Variants in OCRL observed in about 807,000 individuals in gnomAD.
OCRL encodes inositol polyphosphate 5-phosphatase OCRL.
Under a neutral mutation model 78.9 loss-of-function variants are expected in OCRL, and 8 were observed. That is an observed-to-expected ratio of 0.10 (90% CI 0.06 to 0.18). The LOEUF (loss-of-function observed/expected upper bound fraction) is 0.18. OCRL is among the 10% of genes least tolerant of loss of function. OCRL has a pLI of 1.00. For missense variants in OCRL, 454 were observed against 696.7 expected (o/e 0.65, Z 3.92); for synonymous variants, 240 against 235.4 (o/e 1.02, Z -0.18).
chrX:129,564,470 C>T (rs1936187976), intron 12 of OCRL, among the ~76,000 whole-genome samples: 1 of 110,502 alleles, frequency 9.0e-6, no homozygotes, highest in Non-Finnish European at 1.9e-5. Context: ...TGGAACCAAG[C>T]CAAATGTCCA....
intron 19 of OCRL, among the ~76,000 whole-genome samples, chrX:129,585,835 T>C (rs1484735699): frequency 8.9e-6 from 1 of 112,150 alleles, no homozygotes. Context: ...AGAAGAGACC[T>C]CAGCTCGGCT....
At chrX:129,585,259 T>C (rs1197936904) in intron 19 of OCRL, among the ~76,000 whole-genome samples, 1 of 112,380 alleles carries the variant, frequency 8.9e-6, no homozygotes, top group African/African-American at 3.2e-5. Flanking sequence ...GTATATAATC[T>C]ACTGACACTT....
At chrX:129,564,620 A>G (rs1464607813) in intron 12 of OCRL, among the ~76,000 whole-genome samples, 1 of 110,737 alleles carries the variant, frequency 9.0e-6, no homozygotes, top group Non-Finnish European at 1.9e-5. Flanking sequence ...CTATCGCAAG[A>G]ACAAAAAACC....
intron 15 of OCRL, among the ~76,000 whole-genome samples, chrX:129,570,610 GACTTT>G (rs1936287274): frequency 8.9e-6 from 1 of 112,300 alleles, no homozygotes; most frequent in Non-Finnish European, 1.9e-5. Flanking sequence ...AGACAATCAT[GACTTT>G]ACTTTTGTCC....
Position 129,584,630 on chromosome X carries a change from A to G in OCRL, c.2139+263A>G, listed in dbSNP as rs769587427. 6.2e-5 allele frequency among the ~76,000 whole-genome samples: 7 copies of G among 112,364 alleles called. No homozygotes were observed. The East Asian group carries it at 1.9e-3, about 31-fold the overall frequency. ...TGTATTTTTGAAATGAGAAGTAACT[A>G]CAGAGCCGTCTTGATGTATCTGAAT... On this transcript the variant is annotated intron_variant, in intron 19 of 23. Transcript: ENST00000371113.
intron 18 of OCRL, among the ~76,000 whole-genome samples, chrX:129,582,010 A>G (rs981886872): frequency 9.3e-6 from 1 of 107,639 alleles, no homozygotes; most frequent in African/African-American, 3.4e-5. Flanking sequence ...AAATGCCTTA[A>G]TCTGTCATGC....
intron 15 of OCRL, among the ~76,000 whole-genome samples, chrX:129,569,999 G>A (rs1000882456): frequency 2.7e-5 from 3 of 109,884 alleles, no homozygotes; most frequent in African/African-American, 9.9e-5. Flanking sequence ...GTGAGCCACC[G>A]TGCCCAGCGA....
chrX:129,557,278 ACATTTTATCC>A, intron 4 of OCRL, 37 bp from the exon 5 acceptor site: 1 of 1,070,690 alleles, frequency 9.3e-7, no homozygotes, highest in African/African-American at 1.8e-5. Context: ...TCCCAGTAAA[ACATTTTATCC>A]CATAGCAGTA....
chrX:129,560,435 A>G (rs1936129448), intron 8 of OCRL, 115 bp from the exon 9 acceptor site: 1 of 467,337 alleles, frequency 2.1e-6, no homozygotes, highest in Non-Finnish European at 3.8e-6. Context: ...AAACATTTTG[A>G]GGAATTATGT....
At chrX:129,573,707 A>G (rs1005956563) in intron 15 of OCRL, among the ~76,000 whole-genome samples, 3 of 109,295 alleles carry the variant, frequency 2.7e-5, no homozygotes, top group African/African-American at 1.0e-4. Flanking sequence ...GGCACCCACC[A>G]CCATGCCTGG....
chrX:129,557,321 T>A lies in OCRL; in HGVS notation c.239-4T>A. On this transcript the variant is annotated splice_polypyrimidine_tract_variant and splice_region_variant and intron_variant, in intron 4 of 23. Transcript: ENST00000371113. ...GTATATGTATGGATTTCAATTCTTT[T>A]TAGGTGGCTGCAAAATTCGGGTTCA... is the stretch of plus-strand genomic sequence containing the variant. 1.7e-6 allele frequency: 2 copies of A among 1,207,384 alleles called. No homozygotes were observed. The highest frequency in any genetic ancestry group is 1.1e-6 in the Non-Finnish European group (1 of 891,528).
At chrX:129,559,922 G>T (rs1276619545) in intron 8 of OCRL, among the ~76,000 whole-genome samples, 6 of 111,954 alleles carry the variant, frequency 5.4e-5, no homozygotes, top group Non-Finnish European at 9.4e-5. Flanking sequence ...TCTAGTCCAA[G>T]ATTCTAGTCC....
chrX:129,567,372 A>T lies in OCRL; in HGVS notation c.1466+9A>T. 9.3e-7 allele frequency: 1 copy of T among 1,071,560 alleles called. No homozygotes were observed. The highest frequency in any genetic ancestry group is 1.3e-6 in the Non-Finnish European group (1 of 767,771). The allele number at this position is 1,071,560 out of a possible 1,213,427, so 88.3% of individuals were successfully genotyped here. A position where few individuals can be genotyped will look rare whatever the true frequency, so the allele number is the denominator to read the frequency against. ...GACCGGTGGGATTCCAGGTAAAGTA[A>T]TAAGAACCTTCTCACAGAGAAGGTT... On this transcript the variant is annotated intron_variant, in intron 14 of 23. Transcript: ENST00000371113.
At chrX:129,543,788 T>C (rs189428057) in intron 2 of OCRL, among the ~76,000 whole-genome samples, 1 of 112,773 alleles carries the variant, frequency 8.9e-6, no homozygotes, top group Non-Finnish European at 1.9e-5. Flanking sequence ...CAATGACATT[T>C]TAATGTCAGA....
rs377566496 is a variant in OCRL at position 129,562,762 on chromosome X, C to T, written c.1220C>T (p.Pro407Leu). 1.4e-5 allele frequency: 17 copies of T among 1,209,307 alleles called. No individual in the cohort carries two copies. Among genetic ancestry groups the T allele is most frequent in the Middle Eastern group, 2.3e-4 (1 of 4,369 alleles). ...TTTGTGGTCCCAAATCAGACCCTCC[C>T]GCAGTTGAACATCATGAAACATGAG... The part of the protein sequence containing the change: ...MSFVVPNQTL[P>L]QLNIMKHEVV... The change falls in exon 12 of 24, where the codon CCG becomes CTG. Residue 407 changes from proline to leucine, a missense_variant. Physicochemically the swap from Pro to Leu is moderately conservative, Grantham distance 98. Transcript: ENST00000371113.
At chrX:129,564,435 G>A (rs914086717) in intron 12 of OCRL, among the ~76,000 whole-genome samples, 34 of 110,692 alleles carry the variant, frequency 3.1e-4, no homozygotes, top group South Asian at 7.7e-4. Flanking sequence ...TGTTTATCGC[G>A]GCACTATTCA....
intron 18 of OCRL, among the ~76,000 whole-genome samples, chrX:129,577,931 T>G (rs916840215): frequency 8.9e-6 from 1 of 112,025 alleles, no homozygotes; most frequent in Non-Finnish European, 1.9e-5. Context: ...CCTACCCCCT[T>G]TCCTTCATCT....
intron 4 of OCRL, among the ~76,000 whole-genome samples, chrX:129,552,729 A>AT (rs896385086): frequency 8.9e-6 from 1 of 111,810 alleles, no homozygotes; most frequent in Non-Finnish European, 1.9e-5. Flanking sequence ...CCCGGCTGAG[A>AT]TTTTTTTTGA....
chrX:129,554,948 AAAATAAATAAATAAATAAAT>A lies in OCRL; in HGVS notation c.239-2341_239-2322del, dbSNP rs765929333. On this transcript the variant is annotated intron_variant, in intron 4 of 23. Coordinates refer to ENST00000371113, the MANE Select transcript of OCRL (RefSeq NM_000276.4). ...GCCTGGGCAGTAGAGACTCCTTCTCAAAATAAATAAATAAATAAATAAATAAATAAATAAATAAATAAATA... is the reference window on the plus strand; with the variant it reads ...GCCTGGGCAGTAGAGACTCCTTCTCAAAATAAATAAATAAATAAATAAATA... Among the ~76,000 whole-genome samples the A allele has an allele frequency of 2.8e-4, 24 of 84,663 alleles. No homozygotes were observed. The South Asian group carries it at 3.2e-3, about 11-fold the overall frequency. The allele number at this position is 84,663 out of a possible 115,157, so 73.5% of individuals were successfully genotyped here. A position where few individuals can be genotyped will look rare whatever the true frequency, so the allele number is the denominator to read the frequency against.
Sources: gnomAD v4.1 joint callset for allele counts (sites outside exome capture counted in the v4.1 genomes callset) on GRCh38, gnomAD v4.1.1 for gene constraint, MANE v1.5 for transcripts, NCBI Gene and HGNC (gene_info 2026-07-23, HGNC 2026-07-21) for gene names.